The following MICAL2 variants were observed in gnomAD, a reference collection of about 807,000 sequenced individuals.
The protein encoded by MICAL2 is [F-actin]-monooxygenase MICAL2.
In MICAL2, 77 loss-of-function variants were observed where a neutral mutation model predicts 127.3. The ratio of observed to expected loss-of-function variants is 0.60; its 90% CI spans 0.50 to 0.73. The LOEUF (loss-of-function observed/expected upper bound fraction) is 0.73. Ranked by LOEUF, MICAL2 falls within the 30% of genes least tolerant of loss-of-function variation. The pLI is 0.00. For missense variants in MICAL2, 1,351 were observed against 1,434.4 expected (o/e 0.94, Z 0.94); for synonymous variants, 570 against 551.1 (o/e 1.03, Z -0.48).
chr11:12,269,748 C>A (rs1863653226), intron 24 of MICAL2, among the ~76,000 whole-genome samples: 1 of 152,240 alleles, frequency 6.6e-6, no homozygotes, highest in Non-Finnish European at 1.5e-5. Context: ...TTGGTCCCTG[C>A]ACAAAGGCTA....
At chr11:12,215,830 A>G (rs1437637139) in intron 7 of MICAL2, among the ~76,000 whole-genome samples, 1 of 152,162 alleles carries the variant, frequency 6.6e-6, no homozygotes, top group African/African-American at 2.4e-5. Flanking sequence ...CTATGGGCGC[A>G]TGGAGGGCAC....
At chr11:12,319,330 C>T (rs1466932247) in intron 29 of MICAL2, among the ~76,000 whole-genome samples, 2 of 152,062 alleles carry the variant, frequency 1.3e-5, no homozygotes, top group African/African-American at 4.8e-5. Flanking sequence ...GGTAACTCAA[C>T]TAACTTCAGA....
intron 21 of MICAL2, among the ~76,000 whole-genome samples, chr11:12,246,173 A>AAACAT (rs1860716952): frequency 6.6e-6 from 1 of 152,234 alleles, no homozygotes; most frequent in South Asian, 2.1e-4. Flanking sequence ...GACGGCAGGG[A>AAACAT]GCAGCCTGCT....
At chr11:12,277,781 G>T (rs1304030196) in intron 1 of MICAL2, among the ~76,000 whole-genome samples, 1 of 152,174 alleles carries the variant, frequency 6.6e-6, no homozygotes, top group Non-Finnish European at 1.5e-5. Flanking sequence ...GTGTTATCAG[G>T]TGATTCTGTC....
At chr11:12,321,318 C>T (rs936341650) in intron 30 of MICAL2, among the ~76,000 whole-genome samples, 5 of 152,180 alleles carry the variant, frequency 3.3e-5, no homozygotes, top group African/African-American at 7.2e-5. Context: ...AGGAGGTTTT[C>T]GTCCTCTGGT....
In MICAL2 at chr11:12,239,587, T is replaced by G; in HGVS notation, c.2214+2T>G. ...CGGAACCCCTCACTCATGAAGCAGG[T>G]GAGTCATGTCAAATACTCACTGGAC... On this transcript the variant is annotated splice_donor_variant, in intron 17 of 27. Coordinates refer to ENST00000683283, the MANE Select transcript of MICAL2 (RefSeq NM_001282663.2). LOFTEE classifies it high-confidence loss of function. 2 of 1,613,794 alleles carry G rather than the reference T, an allele frequency of 1.2e-6. No individual in the cohort carries two copies. Among genetic ancestry groups the G allele is most frequent in the Non-Finnish European group, 1.7e-6 (2 of 1,179,868 alleles).
intron 2 of MICAL2, among the ~76,000 whole-genome samples, chr11:12,154,619 T>C (rs1853963889): frequency 6.6e-6 from 1 of 152,234 alleles, no homozygotes; most frequent in African/African-American, 2.4e-5. Flanking sequence ...TGAAATTGTA[T>C]TGACTTTCTG....
At chr11:12,114,410 G>A (rs1448643181) in intron 1 of MICAL2, among the ~76,000 whole-genome samples, 1 of 152,226 alleles carries the variant, frequency 6.6e-6, no homozygotes, top group Non-Finnish European at 1.5e-5. Context: ...TTTAGAGTTG[G>A]TTTGTTTGAA....
At chr11:12,328,346 G>C (rs1466518146) in intron 32 of MICAL2, among the ~76,000 whole-genome samples, 1 of 152,170 alleles carries the variant, frequency 6.6e-6, no homozygotes, top group East Asian at 1.9e-4. Context: ...GAACCAAGAG[G>C]TTCCTAACTG....
Position 12,242,283 on chromosome 11 carries a change from C to T in MICAL2, c.2407C>T (p.Leu803=). ...LKQVSAGSEC[L]SRPWRARAKS... ...GCAAGTGTCTGCTGGCAGTGAGTGC[C>T]TGAGCAGACCTTGGAGAGCCAGAGC... Residue 803 remains leucine (L), a synonymous_variant, in exon 19 of 28, where the codon CTG becomes TTG. Coordinates refer to ENST00000683283, the MANE Select transcript of MICAL2 (RefSeq NM_001282663.2). 6.2e-7 allele frequency: 1 copy of T among 1,614,090 alleles called. No individual in the cohort carries two copies. Among genetic ancestry groups the T allele is most frequent in the Non-Finnish European group, 8.5e-7 (1 of 1,179,994 alleles).
chr11:12,228,756 T>C (rs540633112), intron 15 of MICAL2, among the ~76,000 whole-genome samples: 40 of 152,068 alleles, frequency 2.6e-4, no homozygotes, highest in African/African-American at 8.9e-4. Flanking sequence ...CCAGCCAGGG[T>C]CGGGGCTGAG....
chr11:12,186,238 A>T (rs1316536650), intron 3 of MICAL2, among the ~76,000 whole-genome samples: 1 of 152,272 alleles, frequency 6.6e-6, no homozygotes, highest in African/African-American at 2.4e-5. Flanking sequence ...CAAAGGTTAG[A>T]CATGGCTTGG....
downstream of MICAL2, chr11:12,292,269 A>G (rs1279008357): frequency 1.2e-6 from 2 of 1,613,944 alleles, no homozygotes; most frequent in Admixed American, 1.7e-5. Context: ...GTTTCTGGGA[A>G]TGCTCCAGAT....
At chr11:12,139,744 C>T (rs920844001) in intron 2 of MICAL2, among the ~76,000 whole-genome samples, 1 of 152,178 alleles carries the variant, frequency 6.6e-6, no homozygotes, top group Non-Finnish European at 1.5e-5. Flanking sequence ...AAACAGAATA[C>T]AGAGTTTGTC....
chr11:12,353,282 A>G (rs556070250), intron 33 of MICAL2, among the ~76,000 whole-genome samples: 145 of 152,306 alleles, frequency 9.5e-4, no homozygotes, highest in African/African-American at 3.4e-3. Context: ...CACCCTCTTC[A>G]AGTCTCTGTT....
intron 21 of MICAL2, among the ~76,000 whole-genome samples, chr11:12,245,821 AG>A (rs1433164340): frequency 1.3e-5 from 2 of 152,220 alleles, no homozygotes; most frequent in Non-Finnish European, 2.9e-5. Context: ...AGTTAGGGAA[AG>A]GGACCTTCCC....
intron 2 of MICAL2, among the ~76,000 whole-genome samples, chr11:12,154,206 T>C (rs1181010008): frequency 1.3e-5 from 2 of 152,158 alleles, no homozygotes; most frequent in South Asian, 2.1e-4. Flanking sequence ...TTTAAGCTAA[T>C]TCCTTAAATT....
chr11:12,329,879 A>AAG (rs1555022492), intron 32 of MICAL2, among the ~76,000 whole-genome samples: 11 of 148,618 alleles, frequency 7.4e-5, no homozygotes, highest in Admixed American at 2.7e-4. Context: ...AAAAAAAAAA[A>AAG]AAAAGAAAAG....
intron 3 of MICAL2, among the ~76,000 whole-genome samples, chr11:12,181,054 C>A (rs912308789): frequency 6.6e-6 from 1 of 151,970 alleles, no homozygotes; most frequent in Non-Finnish European, 1.5e-5. Flanking sequence ...AGCGATTCTC[C>A]TGCCTCAGCC....
Sources: allele counts gnomAD v4.1 joint callset (sites outside exome capture counted in the v4.1 genomes callset), GRCh38; gene constraint gnomAD v4.1.1; transcripts MANE v1.5; gene names NCBI Gene and HGNC (gene_info 2026-07-23, HGNC 2026-07-21).